COL4A4: variants seen among roughly 807,000 people sequenced by gnomAD.
COL4A4 encodes collagen alpha-4(IV) chain.
COL4A4 carries 105 observed loss-of-function variants against 192.9 expected under a neutral mutation model. The ratio of observed to expected loss-of-function variants is 0.54; its 90% CI spans 0.46 to 0.64. COL4A4 has a LOEUF of 0.64. COL4A4 is among the 30% of genes least tolerant of loss of function. COL4A4 has a pLI of 0.00. For synonymous variants in COL4A4, 762 were observed against 769.9 expected, an observed-to-expected ratio of 0.99 and a Z score of 0.17; for missense variants, 1,967 against 2,169.3, an observed-to-expected ratio of 0.91 and a Z score of 1.85.
rs1173262699 is a variant in COL4A4, at chr2:227,121,104, C to T, written c.237G>A (p.Leu79=). The T allele has an allele frequency of 5.0e-6, 8 of 1,614,094 alleles. No individual in the cohort carries two copies. Among genetic ancestry groups the T allele is most frequent in the Middle Eastern group, 1.6e-4 (1 of 6,062 alleles). Reference sequence around the variant, plus strand: ...AAAGCCCAATGGGTCCTGGGGCTCCCAGGGGTCCAATTGGACCCTGTGGCC... The same window carrying T: ...AAAGCCCAATGGGTCCTGGGGCTCCTAGGGGTCCAATTGGACCCTGTGGCC... The part of the protein sequence containing the change: ...PPGPQGPIGP[L]GAPGPIGLSG... The change falls in exon 5 of 48, where the codon CTG becomes CTA. Residue 79 remains leucine (L), a synonymous_variant. Coordinates refer to ENST00000396625, the MANE Select transcript of COL4A4 (RefSeq NM_000092.5).
At chr2:227,164,350 G>T, upstream of COL4A4, 1 of 213,154 alleles carries the variant, frequency 4.7e-6, no homozygotes, top group Non-Finnish European at 9.1e-6. This position sits in a 1 kb window ranked among gnomAD's most constrained non-coding sequence, Gnocchi z 4.8. Context: ...CCACTTCCCC[G>T]CCTGGGCCCC....
intron 4 of COL4A4, among the ~76,000 whole-genome samples, chr2:227,128,115 G>A (rs1345608349): frequency 1.3e-5 from 2 of 152,206 alleles, no homozygotes; most frequent in East Asian, 1.9e-4. Context: ...ATGAAGGAAG[G>A]TGTAACTTAT....
chr2:227,032,928 C>T (rs934285161), intron 38 of COL4A4, among the ~76,000 whole-genome samples: 3 of 152,172 alleles, frequency 2.0e-5, no homozygotes, highest in African/African-American at 7.2e-5. Context: ...GAACAAGATA[C>T]ACTTGTCAAA....
intron 44 of COL4A4, among the ~76,000 whole-genome samples, chr2:227,015,752 C>A (rs1231466481): frequency 2.0e-4 from 31 of 152,046 alleles, no homozygotes; most frequent in Admixed American, 2.0e-3. Context: ...TCAGATAAGG[C>A]AATATTCCTC....
At chr2:227,057,659 G>T (rs547019204) in intron 28 of COL4A4, 59 bp from the exon 29 acceptor site, 193 of 1,558,900 alleles carry the variant, frequency 1.2e-4, no homozygotes, top group Non-Finnish European at 1.6e-4. Flanking sequence ...GATGGCCCAT[G>T]ATGAATTGTT....
intron 42 of COL4A4, among the ~76,000 whole-genome samples, chr2:227,027,495 G>A (rs1344093400): frequency 4.6e-5 from 6 of 131,230 alleles, no homozygotes; most frequent in Non-Finnish European, 9.5e-5. Context: ...GAGGAGGGGG[G>A]AGGGGGGAGG....
In COL4A4 at chr2:227,010,520, A is replaced by G; in HGVS notation, c.4334-19T>C. On this transcript the variant is annotated intron_variant, in intron 45 of 47. Coordinates refer to ENST00000396625, the MANE Select transcript of COL4A4 (RefSeq NM_000092.5). ...GGAGGCCCTGGAGGAACAAAGGAAAAAAATTGAAGGCAGGTTAGGGGGTTT... is the reference window on the plus strand; with the variant it reads ...GGAGGCCCTGGAGGAACAAAGGAAAGAAATTGAAGGCAGGTTAGGGGGTTT... 6.5e-7 allele frequency: 1 copy of G among 1,530,564 alleles called. No homozygotes were observed. The highest frequency in any genetic ancestry group is 2.3e-5 in the Admixed American group (1 of 43,682). 94.8% of individuals were successfully genotyped at this position (1,530,564 alleles called of 1,614,324 possible).
intron 13 of COL4A4, 26 bp from the exon 14 acceptor site, chr2:227,103,223 G>T (rs1159666002): frequency 6.4e-7 from 1 of 1,572,734 alleles, no homozygotes; most frequent in Non-Finnish European, 8.7e-7. Context: ...AATATAATTT[G>T]GTCTATTCTT....
Position 227,101,576 on chromosome 2 carries a change from A to G in COL4A4, c.976-19T>C, listed in dbSNP as rs748415788. ...GTTCTCCCTACAAACAAGCACAAACATGCCTTAAAAAAAAAAAGTGACTGG... is the reference window on the plus strand; with the variant it reads ...GTTCTCCCTACAAACAAGCACAAACGTGCCTTAAAAAAAAAAAGTGACTGG... On this transcript the variant is annotated intron_variant, in intron 16 of 47. Transcript: ENST00000396625. 1.3e-6 allele frequency: 2 copies of G among 1,551,920 alleles called. No individual in the cohort carries two copies. The highest frequency in any genetic ancestry group is 3.6e-5 in the Admixed American group (2 of 55,412).
At chr2:227,045,787 TATATATATATACAC>T (rs780123900) in intron 35 of COL4A4, among the ~76,000 whole-genome samples, 11,718 of 98,896 alleles carry the variant, frequency 0.12, 2,439 homozygotes, top group African/African-American at 0.2. Flanking sequence ...AAAATACATA[TATATATATATACAC>T]ATATATATAT....
intron 37 of COL4A4, among the ~76,000 whole-genome samples, chr2:227,040,485 G>T (rs185657530): frequency 1.4e-3 from 214 of 151,756 alleles, no homozygotes; most frequent in African/African-American, 5.0e-3. Flanking sequence ...TGTTTGATGA[G>T]AAAAACCTCC....
chr2:227,007,559 C>T lies in COL4A4; in HGVS notation c.4839G>A (p.Gly1613=). ...AGCTGCCAGGTGACATAAGGGCCTG[C>T]CCTCCTCCTTGGTCCCCAGCTCCTG... ...MHTGAGDQGG[G]QALMSPGSCL... is the part of the protein sequence containing the mutation. Residue 1613 remains glycine (G), a synonymous_variant, in exon 48 of 48, where the codon GGG becomes GGA. Transcript: ENST00000396625. 6.2e-7 allele frequency: 1 copy of T among 1,612,842 alleles called. No individual in the cohort carries two copies. The highest frequency in any genetic ancestry group is 8.5e-7 in the Non-Finnish European group (1 of 1,180,022).
chr2:226,990,774 G>A, the COL4A4 span, among the ~76,000 whole-genome samples: 239 of 152,130 alleles, frequency 1.6e-3, 4 homozygotes, highest in Middle Eastern at 6.8e-3. Flanking sequence ...ATCTTAACAC[G>A]GGAAGTATTC....
In COL4A4 at chr2:227,006,397, A is replaced by G. The variant is rs1174448951; in HGVS notation, c.*928T>C. On this transcript the variant is annotated 3_prime_UTR_variant, in exon 48 of 48. Transcript: ENST00000396625. Reference sequence around the variant, plus strand: ...GCCTGAGTGAGCCCCATGTAGCGTCAGTCCCATTAGCACGCACGCACCTGT... The same window carrying G: ...GCCTGAGTGAGCCCCATGTAGCGTCGGTCCCATTAGCACGCACGCACCTGT... The G allele has an allele frequency of 6.5e-6, 1 of 152,678 alleles. No individual in the cohort carries two copies. The highest frequency in any genetic ancestry group is 1.5e-5 in the Non-Finnish European group (1 of 68,050). 9.5% of individuals were successfully genotyped at this position (152,678 alleles called of 1,614,324 possible). A position where few individuals can be genotyped will look rare whatever the true frequency, so the allele number is the denominator to read the frequency against.
chr2:227,120,724 G>C, intron 5 of COL4A4: 1 of 338,284 alleles, frequency 3.0e-6, no homozygotes, highest in South Asian at 2.9e-5. Flanking sequence ...GATCACTTGA[G>C]GTCAGGAGTT....
chr2:227,072,383 C>A (rs2058773278), intron 25 of COL4A4, among the ~76,000 whole-genome samples: 1 of 151,726 alleles, frequency 6.6e-6, no homozygotes, highest in African/African-American at 2.4e-5. Context: ...AAACCAATAA[C>A]AAGCAGTGAG....
chr2:227,061,682 A>G (rs1977091157), intron 26 of COL4A4, among the ~76,000 whole-genome samples: 1 of 152,238 alleles, frequency 6.6e-6, no homozygotes, highest in Admixed American at 6.5e-5. Flanking sequence ...CATACTAGTA[A>G]TGAACGGGTA....
intron 43 of COL4A4, among the ~76,000 whole-genome samples, chr2:227,024,643 C>G (rs1169466116): frequency 2.0e-5 from 3 of 152,176 alleles, no homozygotes; most frequent in African/African-American, 7.2e-5. Context: ...TTTTAGTCTC[C>G]TAATACTTAC....
At position 227,147,560 on chromosome 2, in the gene COL4A4, C is replaced by T. The variant is rs1233945677; in HGVS notation, c.-77G>A. On this transcript the variant is annotated 5_prime_UTR_variant, in exon 2 of 48. Transcript: ENST00000396625. The stretch of plus-strand genomic sequence containing the variant: ...AAGGTTCTTGTTGACAAGTGAGGTT[C>T]TGTGTTCTGGGTCAAAGTCTGTTCC... 1.5e-5 allele frequency: 19 copies of T among 1,306,952 alleles called. No homozygotes were observed. Among genetic ancestry groups the T allele is most frequent in the Non-Finnish European group, 2.0e-5 (18 of 906,558 alleles). 81.0% of individuals were successfully genotyped at this position (1,306,952 alleles called of 1,614,324 possible).
Sources: allele counts gnomAD v4.1 joint callset (sites outside exome capture counted in the v4.1 genomes callset), GRCh38; gene constraint gnomAD v4.1.1; non-coding constraint Gnocchi (gnomAD v3.1); transcripts MANE v1.5; gene names NCBI Gene and HGNC (gene_info 2026-07-23, HGNC 2026-07-21).